The following ZNF286A variants were observed in gnomAD, a reference collection of about 807,000 sequenced individuals.
ZNF286A encodes the protein zinc finger protein ZNF286.
ZNF286A carries 34 observed loss-of-function variants against 49.3 expected under a neutral mutation model. That is an observed-to-expected ratio of 0.69 (90% CI 0.52 to 0.92). ZNF286A has a LOEUF of 0.92. Ranked by LOEUF, ZNF286A falls within the 40% of genes least tolerant of loss-of-function variation. ZNF286A has a pLI of 0.00. For synonymous variants in ZNF286A, 155 were observed against 200.4 expected (o/e 0.77, Z 1.91); for missense variants, 462 against 600.2 (o/e 0.77, Z 2.41).
intron 3 of ZNF286A, 48 bp from the exon 4 acceptor site, chr17:15,706,339 G>T: frequency 1.3e-6 from 2 of 1,518,428 alleles, no homozygotes; most frequent in South Asian, 1.1e-5. Flanking sequence ...GGGGATGAAA[G>T]AGAAGTAATT....
chr17:15,704,542 A>G (rs947860181), intron 3 of ZNF286A: 6 of 1,614,004 alleles, frequency 3.7e-6, no homozygotes, highest in Non-Finnish European at 4.2e-6. Context: ...AGGGTGGATC[A>G]GCAGGCACCT....
At chr17:15,707,572 C>T (rs1476876504) in intron 4 of ZNF286A, among the ~76,000 whole-genome samples, 3 of 152,130 alleles carry the variant, frequency 2.0e-5, no homozygotes, top group Non-Finnish European at 4.4e-5. Flanking sequence ...TTCCTCCTTT[C>T]CTGAGGTAAG....
intron 5 of ZNF286A, among the ~76,000 whole-genome samples, chr17:15,712,261 T>C (rs1197876132): frequency 6.6e-6 from 1 of 152,232 alleles, no homozygotes; most frequent in African/African-American, 2.4e-5. Flanking sequence ...AGGTCTGATT[T>C]GGCCAACTGA....
chr17:15,712,618 T>C (rs2151475948), intron 5 of ZNF286A, among the ~76,000 whole-genome samples: 1 of 152,360 alleles, frequency 6.6e-6, no homozygotes, highest in African/African-American at 2.4e-5. Flanking sequence ...AATTAATCAC[T>C]GTATTTACCT....
At chr17:15,711,328 A>AT (rs1183300312) in intron 5 of ZNF286A, 2 of 151,838 alleles carry the variant, frequency 1.3e-5, no homozygotes, top group Non-Finnish European at 2.9e-5. Context: ...ATATTCTTTA[A>AT]TTTTTTCTTT....
chr17:15,715,891 G>A (rs1967020609), intron 5 of ZNF286A, 168 bp from the exon 6 acceptor site: 1 of 1,479,140 alleles, frequency 6.8e-7, no homozygotes, highest in Non-Finnish European at 9.0e-7. Context: ...CATAGTCTGA[G>A]CATTTGTTTC....
Position 15,704,423 on chromosome 17 carries a change from C to T in ZNF286A, c.127-1964C>T, listed in dbSNP as rs1467219207. 24 of 1,607,288 alleles carry T rather than the reference C, an allele frequency of 1.5e-5. No individual in the cohort carries two copies. The Admixed American group carries it at 1.9e-4, about 12-fold the overall frequency. On this transcript the variant is annotated intron_variant, in intron 3 of 5. Transcript: ENST00000583566. ...CCGGCTTCGGCCCTGCCGCTGGGCC[C>T]GCCGGCGCCCCCGTGGATCTCTGTG...
rs748783090 is a variant in ZNF286A at position 15,716,171 on chromosome 17, C to A, written c.447C>A (p.Asp149Glu). The A allele has an allele frequency of 2.5e-6, 4 of 1,613,862 alleles. No individual in the cohort carries two copies. In the South Asian group the frequency reaches 4.4e-5, roughly 18 times the overall value. Residue 149 changes from aspartate to glutamate, a missense_variant, in exon 6 of 6, where the codon GAC (aspartate) becomes GAA (glutamate). Transcript: ENST00000583566. ...GACTGACACGGAATAGTGTCTATGA[C>A]TCTAACTTGGAAGCAGCCCTTGAAT... ...IDRLTRNSVY[D>E]SNLEAALECE...
chr17:15,707,137 C>T (rs966937944), intron 4 of ZNF286A, among the ~76,000 whole-genome samples: 8 of 152,024 alleles, frequency 5.3e-5, no homozygotes, highest in African/African-American at 1.9e-4. Context: ...GTAAAAAAAT[C>T]CCCTAAGAAA....
chr17:15,709,714 A>C (rs1990507046), intron 5 of ZNF286A: 2 of 1,072,962 alleles, frequency 1.9e-6, no homozygotes, highest in Admixed American at 3.1e-5. Context: ...TTTCGATATT[A>C]ATCTATGTTA....
intron 3 of ZNF286A, among the ~76,000 whole-genome samples, chr17:15,701,618 A>G (rs1989780073): frequency 6.6e-6 from 1 of 152,236 alleles, no homozygotes; most frequent in Non-Finnish European, 1.5e-5. Flanking sequence ...GCAATCTAAG[A>G]AAGCACTTAA....
chr17:15,704,129 G>A, intron 3 of ZNF286A: 1 of 866,496 alleles, frequency 1.2e-6, no homozygotes, highest in Non-Finnish European at 1.7e-6. Flanking sequence ...AGTGCCCCCT[G>A]TACCCTCCCC....
At position 15,708,213 on chromosome 17, in the gene ZNF286A, G is replaced by T; in HGVS notation, c.300G>T (p.Lys100Asn). The stretch of plus-strand genomic sequence containing the variant: ...TGGAGAATGGAAAAGAACCATTGAA[G>T]CTTGAGAGAAAAGCCCCCAAAAGCA... ...YNLENGKEPL[K>N]LERKAPKSSY... is the part of the protein sequence containing the mutation. The change falls in exon 5 of 6, where the codon AAG (lysine) becomes AAT (asparagine). Residue 100 changes from lysine to asparagine, a missense_variant. Around this residue, in one of 3 missense-constraint regions of ZNF286A, gnomAD observed 259 missense variants for 272.2 expected, o/e 0.95. Coordinates refer to ENST00000583566, the MANE Select transcript of ZNF286A (RefSeq NM_001130842.2). The T allele has an allele frequency of 6.3e-7, 1 of 1,593,080 alleles. No individual in the cohort carries two copies. Among genetic ancestry groups the T allele is most frequent in the South Asian group, 1.1e-5 (1 of 87,994 alleles).
rs183368982 is a variant in ZNF286A at position 15,720,163 on chromosome 17, G to A, written c.*2873G>A. The A allele has an allele frequency of 6.6e-6, 1 of 151,920 alleles. No homozygotes were observed. The highest frequency in any genetic ancestry group is 1.5e-5 in the Non-Finnish European group (1 of 68,012). 9.4% of individuals were successfully genotyped at this position (151,920 alleles called of 1,614,324 possible). On this transcript the variant is annotated 3_prime_UTR_variant, in exon 6 of 6. Transcript: ENST00000583566. ...TATCTGTATTAGGTTTCAACAAAGG[G>A]AATAAATCATTGGCTTCTCATGAGG...
chr17:15,707,176 C>T (rs1200281466), intron 4 of ZNF286A, among the ~76,000 whole-genome samples: 1 of 152,062 alleles, frequency 6.6e-6, no homozygotes, highest in Non-Finnish European at 1.5e-5. Context: ...CGCGGTGGCT[C>T]ACGCCTGTAA....
In ZNF286A at chr17:15,715,902, CCTCCATTTGTTTCT is replaced by C. The variant is rs1416866610; in HGVS notation, c.335-154_335-141del. On this transcript the variant is annotated intron_variant, in intron 5 of 5. Coordinates refer to ENST00000583566, the MANE Select transcript of ZNF286A (RefSeq NM_001130842.2). The stretch of plus-strand genomic sequence containing the variant: ...TCTGCATAGTCTGAGCATTTGTTTC[CCTCCATTTGTTTCT>C]CTTTGCAAATCATCTGAAAGAGTCA... The C allele has an allele frequency of 2.0e-6, 3 of 1,493,092 alleles. No individual in the cohort carries two copies. In the African/African-American group the frequency reaches 4.2e-5, roughly 21 times the overall value. 92.5% of individuals were successfully genotyped at this position (1,493,092 alleles called of 1,614,324 possible).
At chr17:15,707,411 G>C (rs1990318341) in intron 4 of ZNF286A, among the ~76,000 whole-genome samples, 1 of 146,062 alleles carries the variant, frequency 6.8e-6, no homozygotes, top group African/African-American at 2.6e-5. Context: ...CTGCACTCCA[G>C]CCTTTTTGTA....
rs1967204951 is a variant in ZNF286A, at chr17:15,718,585, A to G, written c.*1295A>G. ...TGAAGCAACTGTGAGACACCAGGGCATACTTCCCTGTATGAGTGGAAAACA... is the reference window on the plus strand; with the variant it reads ...TGAAGCAACTGTGAGACACCAGGGCGTACTTCCCTGTATGAGTGGAAAACA... On this transcript the variant is annotated 3_prime_UTR_variant, in exon 6 of 6. Transcript: ENST00000583566. 1.3e-5 allele frequency: 2 copies of G among 151,042 alleles called. No individual in the cohort carries two copies. The highest frequency in any genetic ancestry group is 4.9e-5 in the African/African-American group (2 of 40,884). The allele number at this position is 151,042 out of a possible 1,614,324, so 9.4% of individuals were successfully genotyped here.
At chr17:15,711,422 A>G (rs1990638623) in intron 5 of ZNF286A, 1 of 152,082 alleles carries the variant, frequency 6.6e-6, no homozygotes, top group African/African-American at 2.4e-5. Flanking sequence ...AAATATTCTA[A>G]TTACTCAAAA....
Sources: gnomAD v4.1 joint callset for allele counts (sites outside exome capture counted in the v4.1 genomes callset) on GRCh38, gnomAD v4.1.1 for gene constraint, gnomAD v4.1.1 regional missense constraint, MANE v1.5 for transcripts, NCBI Gene and HGNC (gene_info 2026-07-23, HGNC 2026-07-21) for gene names.